DCDC1: variants seen among roughly 807,000 people sequenced by gnomAD.
DCDC1 encodes the protein doublecortin domain containing 1, also known as doublecortin domain-containing protein 1.
A neutral mutation model predicts 178.3 loss-of-function variants in DCDC1; 200 were observed. The observed-to-expected ratio is 1.12, with a 90% CI of 1.00 to 1.26. The LOEUF is 1.26. Ranked by LOEUF, DCDC1 falls within the 50% of genes most tolerant of loss-of-function variation. The pLI, the probability that DCDC1 is intolerant of heterozygous loss-of-function variation, is 0.00. For missense variants in DCDC1, 1,983 were observed against 1,749.2 expected (o/e 1.13, Z -2.38); for synonymous variants, 690 against 604.8 (o/e 1.14, Z -2.07).
intron 38 of DCDC1, among the ~76,000 whole-genome samples, chr11:30,870,631 T>G (rs1486864535): frequency 6.6e-6 from 1 of 152,230 alleles, no homozygotes; most frequent in Non-Finnish European, 1.5e-5. Context: ...CAGAGTGTCT[T>G]GAGTTTTGCC....
intron 9 of DCDC1, among the ~76,000 whole-genome samples, chr11:31,213,208 T>C (rs960606270): frequency 6.8e-6 from 1 of 146,688 alleles, no homozygotes; most frequent in East Asian, 2.0e-4. Context: ...AAGAAAGGCA[T>C]GTGGCTCTTC....
intron 7 of DCDC1, among the ~76,000 whole-genome samples, chr11:31,283,522 C>T (rs774872000): frequency 6.6e-6 from 1 of 151,446 alleles, no homozygotes; most frequent in African/African-American, 2.4e-5. Flanking sequence ...GTTTAAATGT[C>T]TTTTTCTGTT....
At chr11:31,090,330 T>C (rs1302259417) in intron 17 of DCDC1, among the ~76,000 whole-genome samples, 1 of 152,076 alleles carries the variant, frequency 6.6e-6, no homozygotes, top group Non-Finnish European at 1.5e-5. Flanking sequence ...GACAGTGTAG[T>C]GTTGTGGCTA....
chr11:31,145,884 G>A (rs557660943), intron 9 of DCDC1, among the ~76,000 whole-genome samples: 19 of 152,088 alleles, frequency 1.2e-4, no homozygotes, highest in South Asian at 2.1e-4. Flanking sequence ...TATAAATCCC[G>A]TTTTGTCTTT....
intron 20 of DCDC1, among the ~76,000 whole-genome samples, chr11:31,038,425 T>A (rs1954223006): frequency 6.6e-6 from 1 of 152,170 alleles, no homozygotes; most frequent in Non-Finnish European, 1.5e-5. Flanking sequence ...AACTTCAACT[T>A]TTTGTGCATA....
chr11:31,183,504 T>C (rs1274068462), intron 9 of DCDC1, among the ~76,000 whole-genome samples: 1 of 152,246 alleles, frequency 6.6e-6, no homozygotes, highest in Admixed American at 6.5e-5. Flanking sequence ...ACTGGGTGTT[T>C]GCAGATGACA....
intron 21 of DCDC1, chr11:30,944,459 C>T (rs1350476751): frequency 8.4e-6 from 3 of 356,106 alleles, no homozygotes; most frequent in Non-Finnish European, 1.7e-5. Flanking sequence ...ATATGAGTGT[C>T]ACATTTCCTA....
chr11:30,953,417 A>T (rs1053975876), intron 20 of DCDC1, among the ~76,000 whole-genome samples: 1 of 151,494 alleles, frequency 6.6e-6, no homozygotes, highest in East Asian at 1.9e-4. Flanking sequence ...CAATGAAATA[A>T]CGTACTTGAA....
chr11:31,306,077 G>A (rs1313665504), intron 5 of DCDC1, among the ~76,000 whole-genome samples, 155 bp downstream of exon 5: 2 of 151,836 alleles, frequency 1.3e-5, no homozygotes, highest in African/African-American at 4.8e-5. Context: ...AAAAAGGAGA[G>A]GAGTGAAATT....
At chr11:31,239,282 T>C (rs1023739019) in intron 9 of DCDC1, among the ~76,000 whole-genome samples, 1 of 152,028 alleles carries the variant, frequency 6.6e-6, no homozygotes, top group African/African-American at 2.4e-5. Context: ...GTAAGTGTAG[T>C]TGAAACAAAG....
At chr11:31,231,528 A>G (rs1468145860) in intron 9 of DCDC1, among the ~76,000 whole-genome samples, 1 of 152,168 alleles carries the variant, frequency 6.6e-6, no homozygotes, top group Non-Finnish European at 1.5e-5. Context: ...CTGCAGGCAC[A>G]TTCTCAAGCA....
At chr11:31,324,287 G>C (rs1949530923) in intron 3 of DCDC1, among the ~76,000 whole-genome samples, 1 of 151,662 alleles carries the variant, frequency 6.6e-6, no homozygotes, top group Admixed American at 6.6e-5. Flanking sequence ...ATAGCATCGG[G>C]GGCATAAATC....
chr11:30,901,753 A>G (rs2134113977), intron 32 of DCDC1, among the ~76,000 whole-genome samples: 1 of 152,280 alleles, frequency 6.6e-6, no homozygotes, highest in African/African-American at 2.4e-5. Context: ...ATAAAACCTG[A>G]AGTTCAGATA....
At chr11:31,098,644 C>A (rs939541315) in intron 15 of DCDC1, among the ~76,000 whole-genome samples, 8 of 152,152 alleles carry the variant, frequency 5.3e-5, no homozygotes, top group Non-Finnish European at 1.0e-4. Context: ...TGTTCTCTAC[C>A]CCAATGAGCA....
At chr11:31,193,650 C>T (rs759076885) in intron 9 of DCDC1, among the ~76,000 whole-genome samples, 2 of 152,000 alleles carry the variant, frequency 1.3e-5, no homozygotes, top group Non-Finnish European at 2.9e-5. Flanking sequence ...AGGTGGCACA[C>T]AAGTCACCAG....
rs754652368 is a variant in DCDC1 at position 30,878,721 on chromosome 11, A to T, written c.5234-10T>A. 1 of 1,547,300 alleles carries T rather than the reference A, an allele frequency of 6.5e-7. No homozygotes were observed. The highest frequency in any genetic ancestry group is 1.2e-5 in the South Asian group (1 of 81,948). On this transcript the variant is annotated splice_polypyrimidine_tract_variant and intron_variant, in intron 37 of 38. Transcript: ENST00000684477. ...ATCAGTTGTTTTAACTCTGTTAAAA[A>T]AAAAAAAAAAAGAAGTTGAGAGACA... is the stretch of plus-strand genomic sequence containing the variant.
At chr11:31,022,559 T>C (rs1952942324) in intron 20 of DCDC1, among the ~76,000 whole-genome samples, 1 of 152,028 alleles carries the variant, frequency 6.6e-6, no homozygotes, top group African/African-American at 2.4e-5. Flanking sequence ...ACCTCATTTT[T>C]AGTTTGATTC....
chr11:31,176,164 T>C (rs1967987093), intron 9 of DCDC1, among the ~76,000 whole-genome samples: 1 of 152,186 alleles, frequency 6.6e-6, no homozygotes, highest in African/African-American at 2.4e-5. Flanking sequence ...CAAAACAATT[T>C]ATGATCTGGG....
rs1427488591 is a variant in DCDC1, at chr11:31,290,647, C to T, written c.960G>A (p.Lys320=). ...AGTTCAATATTTAATTAAAAATTAC[C>T]TTTTTCATTGTTTCTTTTCCCACTG... ...EITVGKETMK[K]VLDTCTIRMN... The change falls in exon 7 of 39, where the codon AAG becomes AAA. Residue 320 remains lysine (K), a splice_region_variant and synonymous_variant. Transcript: ENST00000684477. 2 of 1,596,940 alleles carry T rather than the reference C, an allele frequency of 1.3e-6. No homozygotes were observed. The highest frequency in any genetic ancestry group is 1.7e-6 in the Non-Finnish European group (2 of 1,175,136).
Sources: gnomAD v4.1 joint callset for allele counts (sites outside exome capture counted in the v4.1 genomes callset) on GRCh38, gnomAD v4.1.1 for gene constraint, MANE v1.5 for transcripts, NCBI Gene and HGNC (gene_info 2026-07-23, HGNC 2026-07-21) for gene names.